The following MGMT variants were observed in gnomAD, a reference collection of about 807,000 sequenced individuals.
MGMT encodes the protein methylated-DNA--protein-cysteine methyltransferase.
Under a neutral mutation model 15.9 loss-of-function variants are expected in MGMT, and 14 were observed. That is an observed-to-expected ratio of 0.88 (90% confidence interval 0.58 to 1.37). The LOEUF is 1.37. Ranked by LOEUF, MGMT falls within the 40% of genes most tolerant of loss-of-function variation. MGMT has a pLI of 0.00. For missense variants in MGMT, 282 were observed against 268.1 expected (o/e 1.05, Z -0.36); for synonymous variants, 130 against 118.2 (o/e 1.10, Z -0.65).
At chr10:129,572,397 A>G (rs75527274) in intron 2 of MGMT, among the ~76,000 whole-genome samples, 4,944 of 152,324 alleles carry the variant, frequency 0.032, 129 homozygotes, top group South Asian at 0.065. Context: ...ATTAATTTAA[A>G]TCAGTTGGCT....
intron 4 of MGMT, among the ~76,000 whole-genome samples, chr10:129,760,756 A>G (rs183875853): frequency 6.6e-6 from 1 of 152,126 alleles, no homozygotes; most frequent in African/African-American, 2.4e-5. Context: ...CGAGCTTTCT[A>G]CCCTATTAAA....
intron 1 of MGMT, among the ~76,000 whole-genome samples, chr10:129,505,742 A>G (rs954559996): frequency 1.3e-5 from 2 of 152,212 alleles, no homozygotes; most frequent in African/African-American, 4.8e-5. Context: ...ATTAAAGTTC[A>G]AGAACAAGCT....
Position 129,767,006 on chromosome 10 carries a change from A to G in MGMT, c.*9A>G, listed in dbSNP as rs1848946679. ...CTGCTGGCCGAAACTGAGTATGTGC[A>G]GTAGGATGGATGTTTGAGCGACACA... is the stretch of plus-strand genomic sequence containing the variant. On this transcript the variant is annotated 3_prime_UTR_variant, in exon 5 of 5. Coordinates refer to ENST00000651593, the MANE Select transcript of MGMT (RefSeq NM_002412.5). 64 of 1,578,960 alleles carry G rather than the reference A, an allele frequency of 4.1e-5. No homozygotes were observed. The highest frequency in any genetic ancestry group is 5.4e-5 in the Non-Finnish European group (63 of 1,161,956).
intron 2 of MGMT, among the ~76,000 whole-genome samples, chr10:129,627,894 C>T (rs1847168996): frequency 6.6e-6 from 1 of 152,096 alleles, no homozygotes; most frequent in African/African-American, 2.4e-5. Flanking sequence ...AAATTATATT[C>T]CTGCTTTATT....
At chr10:129,695,906 G>T (rs1319184858) in intron 2 of MGMT, among the ~76,000 whole-genome samples, 2 of 152,194 alleles carry the variant, frequency 1.3e-5, no homozygotes, top group Admixed American at 6.5e-5. Context: ...TGGGGGAGGG[G>T]CGGGCTGTTC....
At chr10:129,580,549 G>C (rs1846540311) in intron 2 of MGMT, among the ~76,000 whole-genome samples, 1 of 152,148 alleles carries the variant, frequency 6.6e-6, no homozygotes, top group Non-Finnish European at 1.5e-5. Flanking sequence ...ATACCCTAAA[G>C]CCCATGCACA....
chr10:129,755,658 G>A (rs1031736717), intron 3 of MGMT, among the ~76,000 whole-genome samples: 5 of 152,360 alleles, frequency 3.3e-5, no homozygotes, highest in East Asian at 3.9e-4. Flanking sequence ...ACAATGGCCT[G>A]CCTCCCAGGA....
chr10:129,707,997 C>T lies in MGMT; in HGVS notation c.228C>T (p.Ile76=), dbSNP rs112373357. 14 of 1,613,680 alleles carry T rather than the reference C, an allele frequency of 8.7e-6. No homozygotes were observed. Among genetic ancestry groups the T allele is most frequent in the African/African-American group, 5.3e-5 (4 of 74,866 alleles). Residue 76 remains isoleucine, a synonymous_variant, in exon 3 of 5, where the codon ATC becomes ATT. Transcript: ENST00000651593. ...LNAYFHQPEA[I]EEFPVPALHH... ...CCTATTTCCACCAGCCCGAGGCTATCGAAGAGTTCCCCGTGCCGGCTCTTC... is the reference window on the plus strand; with the variant it reads ...CCTATTTCCACCAGCCCGAGGCTATTGAAGAGTTCCCCGTGCCGGCTCTTC...
chr10:129,642,020 C>G (rs146837894), intron 2 of MGMT, among the ~76,000 whole-genome samples: 6 of 152,320 alleles, frequency 3.9e-5, no homozygotes, highest in African/African-American at 1.4e-4. Flanking sequence ...GCTCATAATT[C>G]TAGTAGGGCC....
chr10:129,581,066 A>G (rs757479784), intron 2 of MGMT, among the ~76,000 whole-genome samples: 88 of 152,214 alleles, frequency 5.8e-4, no homozygotes, highest in Non-Finnish European at 6.5e-4. Flanking sequence ...GTGAGGAAAT[A>G]ATGATGCTAC....
intron 2 of MGMT, among the ~76,000 whole-genome samples, chr10:129,695,899 G>T (rs1374178056): frequency 1.3e-5 from 2 of 152,144 alleles, no homozygotes; most frequent in African/African-American, 4.8e-5. Context: ...CGGTGGATGG[G>T]GGAGGGGCGG....
chr10:129,549,716 G>A (rs1248250067), intron 2 of MGMT, among the ~76,000 whole-genome samples: 1 of 152,186 alleles, frequency 6.6e-6, no homozygotes, highest in African/African-American at 2.4e-5. Flanking sequence ...TTTTGTCCGA[G>A]TATGACTTTG....
intron 2 of MGMT, among the ~76,000 whole-genome samples, chr10:129,706,461 C>T (rs992760403): frequency 2.6e-5 from 4 of 152,152 alleles, no homozygotes; most frequent in Non-Finnish European, 4.4e-5. Context: ...GGGTGAAGGG[C>T]CCGCGGGAGC....
intron 3 of MGMT, among the ~76,000 whole-genome samples, chr10:129,734,270 C>A (rs1308079059): frequency 7.2e-6 from 1 of 138,568 alleles, no homozygotes; most frequent in Non-Finnish European, 1.6e-5. Flanking sequence ...TGAAGAGGTC[C>A]TTCACATCCC....
At chr10:129,699,216 G>C (rs1287651752) in intron 2 of MGMT, among the ~76,000 whole-genome samples, 1 of 152,094 alleles carries the variant, frequency 6.6e-6, no homozygotes, top group Non-Finnish European at 1.5e-5. Context: ...GATCTGCCAA[G>C]TATACTATTT....
rs761473628 is a variant in MGMT, at chr10:129,707,879, G to T, written c.126-16G>T. ...GGGCCCAGAGGTTTACTAAGCCCCT[G>T]TTCTCACTTTTGCAGTGCCGTGGAG... On this transcript the variant is annotated splice_polypyrimidine_tract_variant and intron_variant, in intron 2 of 4. Transcript: ENST00000651593. 3.1e-6 allele frequency: 5 copies of T among 1,610,110 alleles called. No individual in the cohort carries two copies. Among genetic ancestry groups the T allele is most frequent in the Non-Finnish European group, 4.2e-6 (5 of 1,179,996 alleles).
rs2119753275 is a variant in MGMT, at chr10:129,533,289, TTG to T, written c.-12-2949_-12-2948del. 6.6e-6 allele frequency among the ~76,000 whole-genome samples: 1 copy of T among 152,320 alleles called. No homozygotes were observed. Among genetic ancestry groups the T allele is most frequent in the African/African-American group, 2.4e-5 (1 of 41,572 alleles). On this transcript the variant is annotated intron_variant, in intron 1 of 4. Coordinates refer to ENST00000651593, the MANE Select transcript of MGMT (RefSeq NM_002412.5). This position sits in a 1 kb window ranked among gnomAD's most constrained non-coding sequence, Gnocchi z 4.5. ...GGAGTAGCCTTTCAGTAAACGGCAT[TTG>T]TGCTTAAATTAGCCCGTGTCAGTTT...
At chr10:129,749,988 T>C (rs571374179) in intron 3 of MGMT, among the ~76,000 whole-genome samples, 54 of 152,290 alleles carry the variant, frequency 3.5e-4, no homozygotes, top group African/African-American at 1.3e-3. Context: ...TGTTGAATTT[T>C]AAGAGTCTTT....
rs1044416407 is a variant in MGMT, at chr10:129,533,551, A to G, written c.-12-2690A>G. Among the ~76,000 whole-genome samples, 1 of 152,188 alleles carries G rather than the reference A, an allele frequency of 6.6e-6. No homozygotes were observed. The highest frequency in any genetic ancestry group is 1.5e-5 in the Non-Finnish European group (1 of 68,036). ...CACCATCGTGCAGGGCGAGTTTCCA[A>G]GAAATGGCGAGAGAGCATCCAGATT... On this transcript the variant is annotated intron_variant, in intron 1 of 4. Coordinates refer to ENST00000651593, the MANE Select transcript of MGMT (RefSeq NM_002412.5). The surrounding 1 kb of genome is among the most constrained non-coding windows in gnomAD (Gnocchi z 4.5).
Sources: allele counts gnomAD v4.1 joint callset (sites outside exome capture counted in the v4.1 genomes callset), GRCh38; gene constraint gnomAD v4.1.1; non-coding constraint Gnocchi (gnomAD v3.1); transcripts MANE v1.5; gene names NCBI Gene and HGNC (gene_info 2026-07-23, HGNC 2026-07-21).